Variants in DIS3L2 observed in about 807,000 individuals in gnomAD.
The protein encoded by DIS3L2 is DIS3-like exonuclease 2.
DIS3L2 carries 34 observed loss-of-function variants against 97.5 expected under a neutral mutation model. The ratio of observed to expected loss-of-function variants is 0.35; its 90% confidence interval spans 0.27 to 0.46. DIS3L2 has a LOEUF of 0.46. Among genes scored for constraint, DIS3L2 ranks in the 20% least tolerant of loss-of-function variants. DIS3L2 has a pLI of 1.00. For missense variants in DIS3L2, 1,038 were observed against 1,146.0 expected, an observed-to-expected ratio of 0.91 and a Z score of 1.36; for synonymous variants, 435 against 445.2, an observed-to-expected ratio of 0.98 and a Z score of 0.29.
At chr2:231,994,075 GT>G (rs1352406339) in intron 1 of DIS3L2, among the ~76,000 whole-genome samples, 15 of 133,938 alleles carry the variant, frequency 1.1e-4, no homozygotes, top group Admixed American at 1.0e-3. Flanking sequence ...AAGATTTTTT[GT>G]TGGTTTTTTT....
intron 9 of DIS3L2, among the ~76,000 whole-genome samples, chr2:232,206,505 T>A (rs1692028736): frequency 6.6e-6 from 1 of 152,234 alleles, no homozygotes. Flanking sequence ...CCACAATCAT[T>A]TTTGTGTCAC....
At chr2:232,141,576 CAG>C (rs764758412) in intron 8 of DIS3L2, among the ~76,000 whole-genome samples, 5 of 152,040 alleles carry the variant, frequency 3.3e-5, no homozygotes, top group Non-Finnish European at 5.9e-5. Context: ...AAATGAGAAA[CAG>C]AGAATGGGTC....
intron 10 of DIS3L2, among the ~76,000 whole-genome samples, chr2:232,221,054 AT>A (rs1224986209): frequency 2.1e-5 from 3 of 145,424 alleles, no homozygotes; most frequent in African/African-American, 5.1e-5. Context: ...GTGAGCCAAG[AT>A]CGTGCCACTG....
intron 5 of DIS3L2, among the ~76,000 whole-genome samples, chr2:232,069,824 C>T (rs1279054687): frequency 2.0e-5 from 3 of 152,168 alleles, no homozygotes; most frequent in Non-Finnish European, 4.4e-5. Flanking sequence ...CACATACACA[C>T]ATACACACAG....
intron 12 of DIS3L2, among the ~76,000 whole-genome samples, chr2:232,262,437 A>T (rs12471102): frequency 6.6e-6 from 1 of 152,206 alleles, no homozygotes; most frequent in Non-Finnish European, 1.5e-5. Context: ...CCACCACTAA[A>T]CTTGGGTATA....
At chr2:232,329,785 T>TACCGGGCC in intron 14 of DIS3L2, 28 bp from the exon 15 acceptor site, 1 of 967,144 alleles carries the variant, frequency 1.0e-6, no homozygotes, top group Non-Finnish European at 1.5e-6. Flanking sequence ...ACCCCAGCGG[T>TACCGGGCC]CCCTCCCATC....
chr2:231,994,451 A>G (rs1431465707), intron 1 of DIS3L2, among the ~76,000 whole-genome samples: 1 of 152,180 alleles, frequency 6.6e-6, no homozygotes. Context: ...TGTTAAATGT[A>G]TAAATCAGTT....
rs756176597 is a variant in DIS3L2 at position 232,263,325 on chromosome 2, C to G, written c.1544C>G (p.Pro515Arg). The change falls in exon 13 of 21, where the codon CCC (proline) becomes CGC (arginine). Residue 515 changes from proline (P) to arginine (R), a missense_variant. Pro to Arg is a moderately radical substitution (Grantham distance 103, BLOSUM62 -2). Transcript: ENST00000325385. ...AAAATCCCTGCGAAAGAGCTGCCCC[C>G]CATTTCCCCAGAGCATAGCAGCGAG... is the stretch of plus-strand genomic sequence containing the variant. ...TEKIPAKELP[P>R]ISPEHSSEEV... 6.2e-7 allele frequency: 1 copy of G among 1,614,222 alleles called. No homozygotes were observed. Among genetic ancestry groups the G allele is most frequent in the Non-Finnish European group, 8.5e-7 (1 of 1,180,048 alleles).
chr2:231,975,683 C>T (rs564091957), intron 1 of DIS3L2, among the ~76,000 whole-genome samples: 10 of 120,840 alleles, frequency 8.3e-5, no homozygotes, highest in Non-Finnish European at 1.1e-4. Context: ...GCAGCCTGGG[C>T]GACAGAGCGA....
At chr2:232,328,471 AGGAG>A (rs1448687816) in intron 14 of DIS3L2, 1 of 151,662 alleles carries the variant, frequency 6.6e-6, no homozygotes. Context: ...CCCTGGGTGG[AGGAG>A]GGGCTCTATA....
chr2:232,175,150 A>G (rs900347118), intron 9 of DIS3L2, among the ~76,000 whole-genome samples: 5 of 152,186 alleles, frequency 3.3e-5, no homozygotes, highest in African/African-American at 4.8e-5. Flanking sequence ...ATTAATTGTA[A>G]TGTAAGCTTT....
At chr2:232,016,303 T>C (rs1267362274) in intron 3 of DIS3L2, among the ~76,000 whole-genome samples, 1 of 152,234 alleles carries the variant, frequency 6.6e-6, no homozygotes, top group Non-Finnish European at 1.5e-5. Context: ...TTAGAATAAG[T>C]GTGCAGCATG....
intron 9 of DIS3L2, among the ~76,000 whole-genome samples, chr2:232,207,955 A>AG (rs1692075573): frequency 6.6e-6 from 1 of 152,236 alleles, no homozygotes; most frequent in Non-Finnish European, 1.5e-5. Context: ...AATTTTAAAA[A>AG]TATGAAAAAG....
chr2:232,297,743 C>T (rs1694758058), intron 13 of DIS3L2, among the ~76,000 whole-genome samples: 1 of 150,822 alleles, frequency 6.6e-6, no homozygotes, highest in African/African-American at 2.4e-5. Flanking sequence ...CGCTATGTCG[C>T]CCAGGCTGGA....
At chr2:232,082,339 G>T (rs576757462) in intron 5 of DIS3L2, among the ~76,000 whole-genome samples, 18 of 152,264 alleles carry the variant, frequency 1.2e-4, no homozygotes, top group Non-Finnish European at 1.6e-4. Flanking sequence ...CTGGGCCATG[G>T]ACTGGTACTG....
chr2:232,319,624 G>A (rs1695371462), intron 14 of DIS3L2, among the ~76,000 whole-genome samples: 1 of 152,170 alleles, frequency 6.6e-6, no homozygotes, highest in Non-Finnish European at 1.5e-5. Flanking sequence ...GAGGCCTGAA[G>A]GCTGCCTGGG....
chr2:232,341,534 A>G (rs1008946928), downstream of DIS3L2, among the ~76,000 whole-genome samples: 6 of 152,356 alleles, frequency 3.9e-5, 1 homozygote, highest in East Asian at 1.2e-3. Flanking sequence ...TTACACAGTC[A>G]TCACCATAGA....
At chr2:232,205,211 CATATATATATATAT>C (rs57163508) in intron 9 of DIS3L2, among the ~76,000 whole-genome samples, 1 of 140,560 alleles carries the variant, frequency 7.1e-6, no homozygotes, top group African/African-American at 2.7e-5. Context: ...AGGCAGTTTA[CATATATATATATAT>C]ATATATATAT....
chr2:232,025,964 T>A (rs1265434563), intron 4 of DIS3L2, among the ~76,000 whole-genome samples: 1 of 152,190 alleles, frequency 6.6e-6, no homozygotes, highest in East Asian at 1.9e-4. Context: ...AAGTTCATCC[T>A]GAGAGACAGC....
Sources: allele counts gnomAD v4.1 joint callset (sites outside exome capture counted in the v4.1 genomes callset), GRCh38; gene constraint gnomAD v4.1.1; transcripts MANE v1.5; gene names NCBI Gene and HGNC (gene_info 2026-07-23, HGNC 2026-07-21).